Variants in TCEA1 observed in about 807,000 individuals in gnomAD.
TCEA1 encodes the protein transcription elongation factor A protein 1.
Under a neutral mutation model 43.8 loss-of-function variants are expected in TCEA1, and 21 were observed. The ratio of observed to expected loss-of-function variants is 0.48; its 90% CI spans 0.34 to 0.69. TCEA1 has a LOEUF of 0.69. Among genes scored for constraint, TCEA1 ranks in the 30% least tolerant of loss-of-function variants. The pLI is 0.01. For synonymous variants in TCEA1, 104 were observed against 117.5 expected (o/e 0.88, Z 0.75); for missense variants, 250 against 365.1 (o/e 0.68, Z 2.57).
chr8:54,002,784 T>A, intron 2 of TCEA1: 1 of 412,038 alleles, frequency 2.4e-6, no homozygotes, highest in Non-Finnish European at 4.8e-6. Context: ...GCAGGACTAA[T>A]GAAAGCTTTC....
In TCEA1 at chr8:53,984,527, C is replaced by T. The variant is rs1402338998; in HGVS notation, c.524-10G>A. 5.9e-6 allele frequency: 9 copies of T among 1,537,506 alleles called. No homozygotes were observed. The highest frequency in any genetic ancestry group is 4.6e-5 in the East Asian group (2 of 43,196). ...ATTTCTTGATATATAGGTACCAGGCCGTTAAGGAAAAAAGGCAAAATTACA... is the reference window on the plus strand; with the variant it reads ...ATTTCTTGATATATAGGTACCAGGCTGTTAAGGAAAAAAGGCAAAATTACA... On this transcript the variant is annotated splice_polypyrimidine_tract_variant and intron_variant, in intron 6 of 9. Coordinates refer to ENST00000521604, the MANE Select transcript of TCEA1 (RefSeq NM_006756.4).
rs1563453637 is a variant in TCEA1, at chr8:53,967,425, C to A, written c.*679G>T. On this transcript the variant is annotated 3_prime_UTR_variant, in exon 10 of 10. Transcript: ENST00000521604. ...CAAACAGGTAAATTAACAGGAAAAC[C>A]AAACTGATCTCAATAAAGTCTTGTT... 5.0e-6 allele frequency: 1 copy of A among 199,254 alleles called. No individual in the cohort carries two copies. The highest frequency in any genetic ancestry group is 2.3e-5 in the African/African-American group (1 of 43,452). 12.3% of individuals were successfully genotyped at this position (199,254 alleles called of 1,614,324 possible).
chr8:54,000,153 G>C (rs1310536294), intron 2 of TCEA1, 103 bp from the exon 3 acceptor site: 25 of 776,078 alleles, frequency 3.2e-5, no homozygotes, highest in Non-Finnish European at 5.0e-5. Flanking sequence ...TTCTATTTTA[G>C]AATTTCAAAA....
chr8:54,021,310 G>C (rs1013230891), intron 1 of TCEA1, among the ~76,000 whole-genome samples: 8 of 152,150 alleles, frequency 5.3e-5, no homozygotes, highest in Non-Finnish European at 8.8e-5. Flanking sequence ...AAAAGCATAT[G>C]CTTACATGAA....
intron 9 of TCEA1, 141 bp downstream of exon 9, chr8:53,970,251 A>C (rs1803116896): frequency 1.4e-6 from 1 of 733,708 alleles, no homozygotes; most frequent in Non-Finnish European, 2.5e-6. Flanking sequence ...ATTCCATTAC[A>C]AGTAGTCAGG....
Position 54,022,168 on chromosome 8 carries a change from G to A in TCEA1, c.-43C>T, listed in dbSNP as rs768512351. Reference sequence around the variant, plus strand: ...TCCGCGCCCACCCCGCTGGCAAGGGGAAGTGGGCGAAGCTGGAGCGGAAGA... The same window carrying A: ...TCCGCGCCCACCCCGCTGGCAAGGGAAAGTGGGCGAAGCTGGAGCGGAAGA... On this transcript the variant is annotated 5_prime_UTR_variant, in exon 1 of 10. Coordinates refer to ENST00000521604, the MANE Select transcript of TCEA1 (RefSeq NM_006756.4). 3 of 1,588,334 alleles carry A rather than the reference G, an allele frequency of 1.9e-6. No homozygotes were observed. Among genetic ancestry groups the A allele is most frequent in the Non-Finnish European group, 2.6e-6 (3 of 1,162,736 alleles).
chr8:54,011,807 A>C (rs1804660003), intron 1 of TCEA1, among the ~76,000 whole-genome samples: 1 of 152,244 alleles, frequency 6.6e-6, no homozygotes, highest in South Asian at 2.1e-4. Flanking sequence ...TTGGCCTTCC[A>C]GAATAAAACC....
chr8:53,990,422 A>T (rs1803841279), intron 4 of TCEA1, among the ~76,000 whole-genome samples: 1 of 150,258 alleles, frequency 6.7e-6, no homozygotes, highest in Admixed American at 6.7e-5. Flanking sequence ...GAGTGCAGTG[A>T]AACAACCATG....
At chr8:53,993,539 C>G (rs1322359530) in intron 4 of TCEA1, 129 bp downstream of exon 4, 4 of 663,106 alleles carry the variant, frequency 6.0e-6, no homozygotes, top group Non-Finnish European at 1.0e-5. Context: ...TGGCTACATA[C>G]ATTTACTACT....
At chr8:53,990,950 T>C (rs182968880) in intron 4 of TCEA1, among the ~76,000 whole-genome samples, 1 of 152,330 alleles carries the variant, frequency 6.6e-6, no homozygotes, top group Non-Finnish European at 1.5e-5. Context: ...TCAAAATTCA[T>C]TTCTCAATCC....
chr8:53,991,785 TA>T (rs1205250493), intron 4 of TCEA1, among the ~76,000 whole-genome samples: 1 of 151,494 alleles, frequency 6.6e-6, no homozygotes, highest in Non-Finnish European at 1.5e-5. Context: ...TAAACGGATA[TA>T]ACGTTAGAAA....
chr8:53,973,497 A>G, intron 8 of TCEA1: 2 of 503,054 alleles, frequency 4.0e-6, no homozygotes, highest in Non-Finnish European at 7.5e-6. Flanking sequence ...GTATAAAGAA[A>G]AAAGTGAACA....
rs58021302 is a variant in TCEA1, at chr8:54,022,276, C to CGCGGCGGCGGCGGCG, written c.-166_-152dup. On this transcript the variant is annotated 5_prime_UTR_variant, in exon 1 of 10. Transcript: ENST00000521604. ...GGCCCCCTTCCTTACGAACGAAGCC[C>CGCGGCGGCGGCGGCG]GCGGCGGCGGCGGCGGCGGCGGCGG... The CGCGGCGGCGGCGGCG allele has an allele frequency of 6.9e-5, 61 of 883,836 alleles. No individual in the cohort carries two copies. Among genetic ancestry groups the CGCGGCGGCGGCGGCG allele is most frequent in the Middle Eastern group, 3.4e-4 (1 of 2,944 alleles). 54.7% of individuals were successfully genotyped at this position (883,836 alleles called of 1,614,324 possible). A position where few individuals can be genotyped will look rare whatever the true frequency, so the allele number is the denominator to read the frequency against.
chr8:54,021,856 A>T, intron 1 of TCEA1: 1 of 414,274 alleles, frequency 2.4e-6, no homozygotes, highest in Non-Finnish European at 4.2e-6. Context: ...GACTGGAAAT[A>T]CAAGAGCGAG....
chr8:53,987,722 A>T (rs1322557825), intron 5 of TCEA1, among the ~76,000 whole-genome samples: 1 of 152,240 alleles, frequency 6.6e-6, no homozygotes, highest in East Asian at 1.9e-4. Context: ...TAACTAGAAA[A>T]TGGAAAACAT....
chr8:53,998,311 T>C (rs1315096479), intron 3 of TCEA1, among the ~76,000 whole-genome samples: 2 of 152,352 alleles, frequency 1.3e-5, no homozygotes, highest in African/African-American at 4.8e-5. Context: ...AGGAGGAAGC[T>C]GGATAAAGGG....
intron 9 of TCEA1, among the ~76,000 whole-genome samples, chr8:53,969,209 G>A (rs550488554): frequency 6.6e-6 from 1 of 152,304 alleles, no homozygotes; most frequent in South Asian, 2.1e-4. Context: ...AGAATCGCTT[G>A]AACCTGGGAG....
chr8:53,973,288 TAAAG>T, intron 8 of TCEA1: 1 of 507,982 alleles, frequency 2.0e-6, no homozygotes, highest in Non-Finnish European at 3.7e-6. Context: ...TTCCAGGTCT[TAAAG>T]AAAGTGCAAA....
chr8:54,001,884 C>T (rs1267764331), intron 2 of TCEA1, among the ~76,000 whole-genome samples: 1 of 151,992 alleles, frequency 6.6e-6, no homozygotes, highest in Non-Finnish European at 1.5e-5. Context: ...TGGCTCACAC[C>T]TGTAATCCCA....
Sources: allele counts gnomAD v4.1 joint callset (sites outside exome capture counted in the v4.1 genomes callset), GRCh38; gene constraint gnomAD v4.1.1; transcripts MANE v1.5; gene names NCBI Gene and HGNC (gene_info 2026-07-23, HGNC 2026-07-21).